The following CSMD1 variants were observed in gnomAD, a reference collection of about 807,000 sequenced individuals.
CSMD1 encodes the protein CUB and sushi domain-containing protein 1.
A neutral mutation model predicts 417.5 loss-of-function variants in CSMD1; 213 were observed. The ratio of observed to expected loss-of-function variants is 0.51; its 90% CI spans 0.46 to 0.57. The LOEUF (loss-of-function observed/expected upper bound fraction) is 0.57. CSMD1 is among the 20% of genes least tolerant of loss of function. CSMD1 has a pLI of 0.00. For missense variants in CSMD1, 6,923 were observed against 4,529.7 expected (o/e 1.53, Z -15.17); for synonymous variants, 2,862 against 1,736.8 (o/e 1.65, Z -16.11).
chr8:4,168,828 T>C (rs1307257286), intron 3 of CSMD1, among the ~76,000 whole-genome samples: 1 of 152,108 alleles, frequency 6.6e-6, no homozygotes, highest in Non-Finnish European at 1.5e-5. Context: ...TCATTCCGGC[T>C]CTCTGTTGTC....
intron 3 of CSMD1, among the ~76,000 whole-genome samples, chr8:4,406,936 G>A (rs1178578364): frequency 1.3e-5 from 2 of 152,166 alleles, no homozygotes; most frequent in African/African-American, 2.4e-5. Context: ...AGACCAAGCT[G>A]ACTTAAAAGG....
intron 1 of CSMD1, among the ~76,000 whole-genome samples, chr8:4,878,476 C>T (rs1422288373): frequency 2.0e-5 from 3 of 151,690 alleles, no homozygotes; most frequent in Non-Finnish European, 4.4e-5. Flanking sequence ...AGAGGTAAGA[C>T]AGCATAGAAT....
chr8:3,749,716 T>C (rs781559143), intron 6 of CSMD1, among the ~76,000 whole-genome samples: 1 of 152,172 alleles, frequency 6.6e-6, no homozygotes, highest in African/African-American at 2.4e-5. Context: ...TATAAACGAA[T>C]CATACGGTTT....
At chr8:4,854,814 C>T (rs904924332) in intron 1 of CSMD1, among the ~76,000 whole-genome samples, 5 of 152,156 alleles carry the variant, frequency 3.3e-5, no homozygotes, top group Admixed American at 6.5e-5. Context: ...GATCAAACTG[C>T]AAGGCAGCAG....
chr8:4,298,338 G>A (rs17413343), intron 3 of CSMD1, among the ~76,000 whole-genome samples: 7,439 of 151,992 alleles, frequency 0.049, 245 homozygotes, highest in Non-Finnish European at 0.071. Flanking sequence ...ATTCAAAAAC[G>A]CTCCATGACA....
At chr8:3,672,306 C>A (rs1026050092) in intron 7 of CSMD1, among the ~76,000 whole-genome samples, 3 of 152,098 alleles carry the variant, frequency 2.0e-5, no homozygotes, top group Non-Finnish European at 4.4e-5. Flanking sequence ...GTCTGAGAAT[C>A]CTAAGGTTCT....
In CSMD1 at chr8:4,470,660, A is replaced by G. The variant is rs369668608; in HGVS notation, c.303-50595T>C. Reference sequence around the variant, plus strand: ...ACCATTTCAACAGTGAGATTTCTAAACGGCCATTAGTGCTTTTTGAAAAAG... The same window carrying G: ...ACCATTTCAACAGTGAGATTTCTAAGCGGCCATTAGTGCTTTTTGAAAAAG... On this transcript the variant is annotated intron_variant, in intron 2 of 69. Transcript: ENST00000635120. Among the ~76,000 whole-genome samples, 9 of 152,328 alleles carry G rather than the reference A, an allele frequency of 5.9e-5. No homozygotes were observed. In the East Asian group the frequency reaches 1.2e-3, roughly 20 times the overall value.
At chr8:3,965,731 C>T (rs938372153) in intron 5 of CSMD1, among the ~76,000 whole-genome samples, 1 of 152,134 alleles carries the variant, frequency 6.6e-6, no homozygotes, top group Non-Finnish European at 1.5e-5. Flanking sequence ...GATTCTCCTG[C>T]CTCAGCCTCC....
At chr8:2,959,672 C>G (rs1161490598) in intron 62 of CSMD1, among the ~76,000 whole-genome samples, 1 of 152,078 alleles carries the variant, frequency 6.6e-6, no homozygotes, top group African/African-American at 2.4e-5. Context: ...GTCATTTAAG[C>G]TGCAAGATTA....
At chr8:3,564,064 G>C (rs1000908232) in intron 10 of CSMD1, among the ~76,000 whole-genome samples, 1 of 151,970 alleles carries the variant, frequency 6.6e-6, no homozygotes, top group African/African-American at 2.4e-5. Flanking sequence ...GTGATATTTT[G>C]GTACATGTAT....
intron 37 of CSMD1, among the ~76,000 whole-genome samples, chr8:3,163,729 C>T (rs1266414754): frequency 6.6e-6 from 1 of 152,168 alleles, no homozygotes; most frequent in Non-Finnish European, 1.5e-5. Flanking sequence ...CAGGAAGCAG[C>T]TGTGGGTCGA....
Position 3,620,210 on chromosome 8 carries a change from A to G in CSMD1, c.1010-3413T>C, listed in dbSNP as rs145910996. ...CTAGGAAAACCATCCTTCAAAAATG[A>G]AAGGGAAATTAAGACACTCCCAGAT... is the stretch of plus-strand genomic sequence containing the variant. On this transcript the variant is annotated intron_variant, in intron 7 of 69. Coordinates refer to ENST00000635120, the MANE Select transcript of CSMD1 (RefSeq NM_033225.6). 3.3e-5 allele frequency among the ~76,000 whole-genome samples: 5 copies of G among 152,328 alleles called. No homozygotes were observed. In the East Asian group the frequency reaches 9.7e-4, roughly 29 times the overall value.
intron 56 of CSMD1, 128 bp downstream of exon 56, chr8:2,974,323 T>A (rs1585077470): frequency 1.1e-6 from 1 of 872,094 alleles, no homozygotes; most frequent in East Asian, 2.8e-5. Flanking sequence ...AGAAATGCAA[T>A]ACTAATTTCA....
chr8:3,983,989 G>A (rs1232234950), intron 5 of CSMD1, among the ~76,000 whole-genome samples: 1 of 150,090 alleles, frequency 6.7e-6, no homozygotes, highest in Non-Finnish European at 1.5e-5. Flanking sequence ...CAGCTCTAGA[G>A]CACAGGGCAG....
Position 4,834,754 on chromosome 8 carries a change from A to T in CSMD1, c.85+159578T>A, listed in dbSNP as rs192077186. Among the ~76,000 whole-genome samples, 1,338 of 151,880 alleles carry T rather than the reference A, an allele frequency of 8.8e-3. 22 individuals carry two copies. The highest frequency in any genetic ancestry group is 0.031 in the African/African-American group (1,283 of 41,414). Reference sequence around the variant, plus strand: ...GGCGGATCACGACATCAGGAGATCGAGACCATCCTGGCTAACACGGTGAAA... The same window carrying T: ...GGCGGATCACGACATCAGGAGATCGTGACCATCCTGGCTAACACGGTGAAA... On this transcript the variant is annotated intron_variant, in intron 1 of 69. Coordinates refer to ENST00000635120, the MANE Select transcript of CSMD1 (RefSeq NM_033225.6).
At chr8:4,411,444 C>G (rs904857791) in intron 3 of CSMD1, among the ~76,000 whole-genome samples, 1 of 152,106 alleles carries the variant, frequency 6.6e-6, no homozygotes, top group Non-Finnish European at 1.5e-5. Flanking sequence ...CTTTTAATTA[C>G]TTGGTTCTAT....
intron 3 of CSMD1, among the ~76,000 whole-genome samples, chr8:4,166,573 A>G (rs928655318): frequency 6.6e-6 from 1 of 152,190 alleles, no homozygotes; most frequent in African/African-American, 2.4e-5. Flanking sequence ...CAAAGGCATG[A>G]GAATGATATA....
intron 3 of CSMD1, among the ~76,000 whole-genome samples, chr8:4,124,707 G>A (rs1459870295): frequency 1.3e-5 from 2 of 152,186 alleles, no homozygotes; most frequent in African/African-American, 2.4e-5. Context: ...ACTTCCCTAA[G>A]GGGGCTTTTC....
At chr8:3,475,844 C>G (rs1296167960) in intron 11 of CSMD1, among the ~76,000 whole-genome samples, 1 of 152,190 alleles carries the variant, frequency 6.6e-6, no homozygotes, top group African/African-American at 2.4e-5. Flanking sequence ...ACCTTTAACT[C>G]TTTGAGAGTG....
Sources: allele counts gnomAD v4.1 joint callset (sites outside exome capture counted in the v4.1 genomes callset), GRCh38; gene constraint gnomAD v4.1.1; transcripts MANE v1.5; gene names NCBI Gene and HGNC (gene_info 2026-07-23, HGNC 2026-07-21).